The following ZMAT4 variants were observed in gnomAD, a reference collection of about 807,000 sequenced individuals.
ZMAT4 encodes zinc finger matrin-type 4.
In ZMAT4, 17 loss-of-function variants were observed where a neutral mutation model predicts 28.7. That is an observed-to-expected ratio of 0.59 (90% CI 0.41 to 0.89). The LOEUF (loss-of-function observed/expected upper bound fraction) is 0.89, where lower values mean the gene tolerates loss of function less well. Among genes scored for constraint, ZMAT4 ranks in the 40% least tolerant of loss-of-function variants. The pLI, the probability that ZMAT4 is intolerant of heterozygous loss-of-function variation, is 0.00. For synonymous variants in ZMAT4, 117 were observed against 109.2 expected (o/e 1.07, Z -0.44); for missense variants, 240 against 283.8 (o/e 0.85, Z 1.11).
At chr8:40,826,391 C>A (rs1183308345) in intron 1 of ZMAT4, among the ~76,000 whole-genome samples, 1 of 151,970 alleles carries the variant, frequency 6.6e-6, no homozygotes, top group East Asian at 1.9e-4. Context: ...AAAAAACATT[C>A]CAGGAAATTA....
chr8:40,575,635 G>A (rs1804239449), intron 6 of ZMAT4, among the ~76,000 whole-genome samples: 1 of 133,040 alleles, frequency 7.5e-6, no homozygotes, highest in African/African-American at 3.3e-5. Flanking sequence ...CTATTCTACT[G>A]AGACTCTGGG....
intron 1 of ZMAT4, among the ~76,000 whole-genome samples, chr8:40,872,529 C>T (rs1817897570): frequency 6.6e-6 from 1 of 152,298 alleles, no homozygotes; most frequent in African/African-American, 2.4e-5. Context: ...GGCACCTGTC[C>T]TCTCTGCCTT....
chr8:40,642,416 T>C (rs1807075285), intron 5 of ZMAT4, among the ~76,000 whole-genome samples: 1 of 152,220 alleles, frequency 6.6e-6, no homozygotes, highest in African/African-American at 2.4e-5. Context: ...GAGAGGGACA[T>C]CACACATACA....
At chr8:40,871,191 T>C (rs1294115078) in intron 1 of ZMAT4, among the ~76,000 whole-genome samples, 1 of 152,202 alleles carries the variant, frequency 6.6e-6, no homozygotes, top group Admixed American at 6.5e-5. Flanking sequence ...GTTTCTCTTT[T>C]ACAAGAGTTG....
intron 2 of ZMAT4, among the ~76,000 whole-genome samples, chr8:40,814,397 C>T (rs1815451126): frequency 6.6e-6 from 1 of 152,152 alleles, no homozygotes; most frequent in Non-Finnish European, 1.5e-5. Context: ...TTCAAGTGAA[C>T]ACTGGGAATA....
At chr8:40,629,030 A>G (rs891278332) in intron 5 of ZMAT4, among the ~76,000 whole-genome samples, 1 of 136,354 alleles carries the variant, frequency 7.3e-6, no homozygotes, top group African/African-American at 2.7e-5. Context: ...TAATGTCTTT[A>G]TTCTTTGTTC....
At position 40,672,286 on chromosome 8, in the gene ZMAT4, C is replaced by T. The variant is rs531182151; in HGVS notation, c.577+2418G>A. ...TGCCTTTATTAATTGATTGATCATACATTAGAAGCATTCCAGGAATAGAGG... is the reference window on the plus strand; with the variant it reads ...TGCCTTTATTAATTGATTGATCATATATTAGAAGCATTCCAGGAATAGAGG... On this transcript the variant is annotated intron_variant, in intron 5 of 6. Transcript: ENST00000297737. Among the ~76,000 whole-genome samples the T allele has an allele frequency of 9.2e-5, 14 of 152,122 alleles. No homozygotes were observed. The South Asian group carries it at 2.9e-3, about 32-fold the overall frequency.
chr8:40,730,625 G>T (rs1811496471), intron 3 of ZMAT4, among the ~76,000 whole-genome samples: 1 of 152,168 alleles, frequency 6.6e-6, no homozygotes, highest in Non-Finnish European at 1.5e-5. Flanking sequence ...AGATCTAAGT[G>T]TGTGTCTGAG....
At chr8:40,830,342 G>A (rs577968780) in intron 1 of ZMAT4, among the ~76,000 whole-genome samples, 39 of 152,030 alleles carry the variant, frequency 2.6e-4, no homozygotes, top group Admixed American at 5.2e-4. Context: ...ACTCTTTCCC[G>A]CTTTTGGAGC....
intron 2 of ZMAT4, among the ~76,000 whole-genome samples, chr8:40,780,284 C>T (rs1197743094): frequency 6.6e-6 from 1 of 152,270 alleles, no homozygotes; most frequent in African/African-American, 2.4e-5. Flanking sequence ...CTACAGCTGG[C>T]AAAAATCATC....
chr8:40,883,474 T>C (rs1818349369), intron 1 of ZMAT4, among the ~76,000 whole-genome samples: 1 of 152,132 alleles, frequency 6.6e-6, no homozygotes, highest in Non-Finnish European at 1.5e-5. Flanking sequence ...CTCCTGGATG[T>C]CTGAGAGGAA....
At chr8:40,852,153 T>C (rs1586169013) in intron 1 of ZMAT4, among the ~76,000 whole-genome samples, 1 of 152,282 alleles carries the variant, frequency 6.6e-6, no homozygotes, top group East Asian at 1.9e-4. Flanking sequence ...CCCAAAATGC[T>C]GGGATTACAG....
At chr8:40,688,827 T>C (rs1382884466) in intron 4 of ZMAT4, among the ~76,000 whole-genome samples, 2 of 152,206 alleles carry the variant, frequency 1.3e-5, no homozygotes, top group Non-Finnish European at 2.9e-5. Context: ...TTCATTAAAA[T>C]GAGAGGAAAT....
At chr8:40,631,454 G>A (rs1363158164) in intron 5 of ZMAT4, among the ~76,000 whole-genome samples, 5 of 152,082 alleles carry the variant, frequency 3.3e-5, no homozygotes, top group African/African-American at 9.7e-5. Flanking sequence ...CACCGCACCA[G>A]GCCAGAATTA....
At chr8:40,890,033 T>C (rs1245653043) in intron 1 of ZMAT4, among the ~76,000 whole-genome samples, 2 of 152,238 alleles carry the variant, frequency 1.3e-5, no homozygotes, top group African/African-American at 4.8e-5. Context: ...ATCTGTTAAA[T>C]GGATAACGAT....
intron 6 of ZMAT4, among the ~76,000 whole-genome samples, chr8:40,562,029 G>T: frequency 6.6e-6 from 1 of 152,254 alleles, no homozygotes; most frequent in South Asian, 2.1e-4. Context: ...AATGCCTAGG[G>T]CACGGTTCTT....
At chr8:40,785,715 G>A (rs1456052273) in intron 2 of ZMAT4, among the ~76,000 whole-genome samples, 2 of 152,084 alleles carry the variant, frequency 1.3e-5, no homozygotes, top group African/African-American at 4.8e-5. Flanking sequence ...TTTAACCAAT[G>A]TAATCATGCA....
intron 5 of ZMAT4, among the ~76,000 whole-genome samples, chr8:40,626,783 A>G (rs1171017633): frequency 6.6e-6 from 1 of 152,192 alleles, no homozygotes; most frequent in Non-Finnish European, 1.5e-5. Flanking sequence ...TTGGATGGAC[A>G]GGCACCAGTT....
intron 5 of ZMAT4, among the ~76,000 whole-genome samples, chr8:40,606,985 G>C (rs1324027798): frequency 6.6e-6 from 1 of 151,628 alleles, no homozygotes; most frequent in Admixed American, 6.6e-5. Flanking sequence ...TCTTCTACTT[G>C]TTCAATTCTA....
Sources: allele counts gnomAD v4.1 joint callset (sites outside exome capture counted in the v4.1 genomes callset), GRCh38; gene constraint gnomAD v4.1.1; transcripts MANE v1.5; gene names NCBI Gene and HGNC (gene_info 2026-07-23, HGNC 2026-07-21).